Variants in KNL1 observed in about 807,000 individuals in gnomAD.
The protein encoded by KNL1 is kinetochore scaffold 1.
KNL1 carries 66 observed loss-of-function variants against 201.3 expected under a neutral mutation model. The observed-to-expected ratio is 0.33, with a 90% CI of 0.27 to 0.40. KNL1 has a LOEUF of 0.40. Ranked by LOEUF, KNL1 falls within the 10% of genes least tolerant of loss-of-function variation. The pLI is 1.00. For missense variants in KNL1, 2,815 were observed against 2,690.5 expected, an observed-to-expected ratio of 1.05 and a Z score of -1.02; for synonymous variants, 895 against 899.2, an observed-to-expected ratio of 1.00 and a Z score of 0.08.
chr15:40,630,080 A>T (rs1892870826), intron 13 of KNL1, among the ~76,000 whole-genome samples: 1 of 152,136 alleles, frequency 6.6e-6, no homozygotes, highest in African/African-American at 2.4e-5. Flanking sequence ...AATCACAGCT[A>T]CTCAAGAGGC....
intron 10 of KNL1, among the ~76,000 whole-genome samples, chr15:40,627,205 C>T (rs951572096): frequency 2.0e-5 from 3 of 152,160 alleles, no homozygotes; most frequent in African/African-American, 7.2e-5. Context: ...CCCTTAATAG[C>T]ATTTACATAA....
At chr15:40,645,808 GAT>G in intron 16 of KNL1, 36 bp downstream of exon 16, 1 of 1,105,392 alleles carries the variant, frequency 9.0e-7, no homozygotes. Context: ...GAAAGAGAGA[GAT>G]ATTAAAATTA....
chr15:40,645,822 T>C (rs1317590771), intron 16 of KNL1, 50 bp downstream of exon 16: 1 of 953,636 alleles, frequency 1.0e-6, no homozygotes, highest in Admixed American at 2.5e-5. Flanking sequence ...TTAAAATTAC[T>C]TTCTAATGGT....
intron 22 of KNL1, among the ~76,000 whole-genome samples, chr15:40,655,268 A>G (rs898205752): frequency 6.6e-6 from 1 of 151,396 alleles, no homozygotes; most frequent in Admixed American, 6.6e-5. Flanking sequence ...ACTGCAGTCC[A>G]GCCTGGCAAC....
intron 13 of KNL1, among the ~76,000 whole-genome samples, chr15:40,635,554 G>A (rs1428497485): frequency 3.3e-5 from 5 of 151,768 alleles, no homozygotes; most frequent in South Asian, 4.2e-4. Flanking sequence ...GGGTTTCCCC[G>A]TGTTGGTCAG....
intron 7 of KNL1, among the ~76,000 whole-genome samples, chr15:40,612,406 C>T (rs529381997): frequency 3.9e-5 from 6 of 151,960 alleles, no homozygotes; most frequent in East Asian, 3.9e-4. Context: ...GCACGAGAAT[C>T]GCTTGAACCC....
chr15:40,613,052 T>C (rs1892223172), intron 7 of KNL1, among the ~76,000 whole-genome samples: 1 of 152,178 alleles, frequency 6.6e-6, no homozygotes. Flanking sequence ...TAGTAAACGT[T>C]GTGAAAGGTC....
intron 19 of KNL1, 129 bp from the exon 20 acceptor site, chr15:40,651,342 T>A: frequency 2.6e-6 from 1 of 382,298 alleles, no homozygotes. Context: ...ATGGATGCCA[T>A]ACACCTAACA....
At chr15:40,647,342 A>C (rs995654135) in intron 17 of KNL1, among the ~76,000 whole-genome samples, 1 of 151,926 alleles carries the variant, frequency 6.6e-6, no homozygotes, top group African/African-American at 2.4e-5. Flanking sequence ...GGGCGTGGTG[A>C]CGGGCGCCTG....
intron 2 of KNL1, among the ~76,000 whole-genome samples, chr15:40,603,984 C>T (rs1389750137): frequency 2.0e-5 from 3 of 152,170 alleles, no homozygotes; most frequent in Non-Finnish European, 4.4e-5. Context: ...TGACAAGGCA[C>T]CCTGGTGGGA....
chr15:40,596,512 G>A lies in KNL1; in HGVS notation c.-18+2120G>A, dbSNP rs534122145. Among the ~76,000 whole-genome samples the A allele has an allele frequency of 7.9e-5, 12 of 151,916 alleles. No individual in the cohort carries two copies. In the East Asian group the frequency reaches 1.4e-3, roughly 17 times the overall value. On this transcript the variant is annotated intron_variant, in intron 1 of 25. Transcript: ENST00000399668. ...AGGCTGGTCTCGAACTCTTGACCTCGGGATCCGCCTGCCTTGGCCTCCCAA... is the reference window on the plus strand; with the variant it reads ...AGGCTGGTCTCGAACTCTTGACCTCAGGATCCGCCTGCCTTGGCCTCCCAA...
chr15:40,640,634 ATATT>A (rs1317137009), intron 13 of KNL1, among the ~76,000 whole-genome samples: 1 of 152,144 alleles, frequency 6.6e-6, no homozygotes, highest in African/African-American at 2.4e-5. Context: ...TTTTTAGGTA[ATATT>A]TATTTTCTTA....
chr15:40,661,411 G>C (rs1279597223), intron 25 of KNL1, among the ~76,000 whole-genome samples: 2 of 152,084 alleles, frequency 1.3e-5, no homozygotes, highest in African/African-American at 4.8e-5. Flanking sequence ...AGAATTGCTT[G>C]CACCCAGGAG....
intron 13 of KNL1, among the ~76,000 whole-genome samples, chr15:40,638,504 T>C: frequency 6.6e-6 from 1 of 152,056 alleles, no homozygotes; most frequent in East Asian, 1.9e-4. Flanking sequence ...TCTTTCTTTT[T>C]TTTTTGAGAT....
At chr15:40,644,908 C>G in intron 14 of KNL1, 89 bp from the exon 15 acceptor site, 1 of 727,282 alleles carries the variant, frequency 1.4e-6, no homozygotes. Flanking sequence ...CAAATGGAGT[C>G]TCTTACGTCT....
intron 5 of KNL1, 81 bp from the exon 6 acceptor site, chr15:40,610,164 C>T: frequency 1.3e-6 from 1 of 785,742 alleles, no homozygotes; most frequent in Middle Eastern, 2.5e-4. Flanking sequence ...CTTGACCTAT[C>T]TCAACACAGA....
intron 21 of KNL1, among the ~76,000 whole-genome samples, chr15:40,654,573 T>TA (rs10626725): frequency 0.01 from 1,452 of 143,388 alleles, 11 homozygotes; most frequent in African/African-American, 0.025. Context: ...TCAGGTAGTT[T>TA]AAAAAAAAAA....
At position 40,654,910 on chromosome 15, in the gene KNL1, T is replaced by C. The variant is rs1893675135; in HGVS notation, c.6417T>C (p.Val2139=). 1 of 1,610,538 alleles carries C rather than the reference T, an allele frequency of 6.2e-7. No individual in the cohort carries two copies. The highest frequency in any genetic ancestry group is 1.3e-5 in the African/African-American group (1 of 74,880). The change falls in exon 22 of 26, where the codon GTT becomes GTC. Residue 2139 remains valine, a splice_region_variant and synonymous_variant. Transcript: ENST00000399668. ...QLTITFEESV[V]GFPFLDKRYR... is the part of the protein sequence containing the mutation. ...AATCATTATTCTGGTTCTTTCTAGT[T>C]GGTTTCCCTTTCCTGGACAAGCGTT...
In KNL1 at chr15:40,645,713, A is replaced by G; in HGVS notation, c.5947A>G (p.Lys1983Glu). The change falls in exon 16 of 26, where the codon AAA (lysine) becomes GAA (glutamate). Residue 1983 changes from lysine to glutamate, a missense_variant. By Grantham distance (56) the Lys-to-Glu change is moderately conservative (BLOSUM62 1). This residue lies in a region of KNL1 where 17 missense variants were observed against 36.2 expected (regional missense o/e 0.47). Coordinates refer to ENST00000399668, the MANE Select transcript of KNL1 (RefSeq NM_144508.5). ...AAAGTCATGTTTTACCAAGATGACT[A>G]AAGTCTTCACTCACCAAGGAAAAGT... ...KIKSCFTKMTKVFTHQGKVAL... is the reference protein window; with the variant it reads ...KIKSCFTKMTEVFTHQGKVAL... 2 of 1,611,004 alleles carry G rather than the reference A, an allele frequency of 1.2e-6. No individual in the cohort carries two copies. Among genetic ancestry groups the G allele is most frequent in the South Asian group, 1.1e-5 (1 of 90,254 alleles).
Sources: gnomAD v4.1 joint callset for allele counts (sites outside exome capture counted in the v4.1 genomes callset) on GRCh38, gnomAD v4.1.1 for gene constraint, gnomAD v4.1.1 regional missense constraint, MANE v1.5 for transcripts, NCBI Gene and HGNC (gene_info 2026-07-23, HGNC 2026-07-21) for gene names.